Variants in SLC16A2 observed in about 807,000 individuals in gnomAD.
SLC16A2 encodes solute carrier family 16 member 2.
SLC16A2 carries 3 observed loss-of-function variants against 27.2 expected under a neutral mutation model. That is an observed-to-expected ratio of 0.11 (90% CI 0.05 to 0.28). The LOEUF (loss-of-function observed/expected upper bound fraction) is 0.28, where lower values mean the gene tolerates loss of function less well. SLC16A2 is among the 10% of genes least tolerant of loss of function. SLC16A2 has a pLI of 1.00. For synonymous variants in SLC16A2, 202 were observed against 187.8 expected (o/e 1.08, Z -0.62); for missense variants, 295 against 458.5 (o/e 0.64, Z 3.26).
chrX:74,447,432 G>A (rs767211207), intron 1 of SLC16A2, among the ~76,000 whole-genome samples: 17 of 111,344 alleles, frequency 1.5e-4, no homozygotes, highest in African/African-American at 5.2e-4. Flanking sequence ...CAACACTTTG[G>A]GAGGCTGAGG....
Position 74,521,071 on chromosome X carries a change from G to A in SLC16A2, c.512G>A (p.Arg171Gln), listed in dbSNP as rs1602140961. Residue 171 changes from arginine (R) to glutamine (Q), a missense_variant, in exon 2 of 6, where the codon CGA becomes CAA. Physicochemically the swap from Arg to Gln is conservative, Grantham distance 43. Around this residue, in one of 3 missense-constraint regions of SLC16A2, gnomAD observed 59 missense variants for 153.6 expected, o/e 0.38. Transcript: ENST00000587091. ...VSIFTDRLGC[R>Q]ITATAGAAVA... ...ATATTCACTGACCGTTTGGGCTGCC[G>A]AATCACAGCAACCGCGGGGGCTGCC... is the stretch of plus-strand genomic sequence containing the variant. 1.7e-6 allele frequency: 2 copies of A among 1,211,914 alleles called. No homozygotes were observed. The highest frequency in any genetic ancestry group is 2.2e-6 in the Non-Finnish European group (2 of 895,472).
Position 74,460,444 on chromosome X carries a change from G to A in SLC16A2, c.430+38377G>A, listed in dbSNP as rs573481446. Among the ~76,000 whole-genome samples, 11 of 111,517 alleles carry A rather than the reference G, an allele frequency of 9.9e-5. No individual in the cohort carries two copies. In the South Asian group the frequency reaches 3.9e-3, roughly 39 times the overall value. On this transcript the variant is annotated intron_variant, in intron 1 of 5. Transcript: ENST00000587091. ...GGTCAGACTTACATTGCAGTCTCAC[G>A]TCTTCCCTAGCTTTCTCAGACTTCC...
chrX:74,472,123 T>A (rs762208742), intron 1 of SLC16A2, among the ~76,000 whole-genome samples: 2 of 112,375 alleles, frequency 1.8e-5, no homozygotes, highest in Non-Finnish European at 3.8e-5. Context: ...TTGTGAATGA[T>A]GCTTCTCTGA....
intron 1 of SLC16A2, among the ~76,000 whole-genome samples, chrX:74,489,074 G>A (rs781317444): frequency 6.3e-5 from 7 of 111,349 alleles, no homozygotes; most frequent in Admixed American, 2.9e-4. Flanking sequence ...TGATTTAATT[G>A]TTTACCTAGA....
intron 4 of SLC16A2, among the ~76,000 whole-genome samples, chrX:74,527,436 A>G (rs1486490508): frequency 8.9e-6 from 1 of 112,276 alleles, no homozygotes; most frequent in African/African-American, 3.2e-5. Flanking sequence ...CCTGCATGTA[A>G]TGCAGGAGTA....
intron 1 of SLC16A2, among the ~76,000 whole-genome samples, chrX:74,510,417 T>C (rs2147866166): frequency 8.9e-6 from 1 of 112,120 alleles, no homozygotes; most frequent in East Asian, 2.8e-4. Context: ...ACCTGTAATC[T>C]GCCTTAGCTA....
intron 1 of SLC16A2, among the ~76,000 whole-genome samples, chrX:74,441,352 C>A (rs769347423): frequency 2.6e-4 from 28 of 105,870 alleles, no homozygotes; most frequent in African/African-American, 9.0e-4. Context: ...AGCCACCGCA[C>A]CAGGCAGAGA....
chrX:74,474,743 C>T (rs1188512917), intron 1 of SLC16A2, among the ~76,000 whole-genome samples: 2 of 110,277 alleles, frequency 1.8e-5, no homozygotes, highest in Non-Finnish European at 3.8e-5. Flanking sequence ...GGTTTTTTGT[C>T]CTTGCGATAG....
rs754089549 is a variant in SLC16A2, at chrX:74,451,102, A to T, written c.430+29035A>T. On this transcript the variant is annotated intron_variant, in intron 1 of 5. Coordinates refer to ENST00000587091, the MANE Select transcript of SLC16A2 (RefSeq NM_006517.5). ...ACTTTTTAAAAAAACTTAAAATGAC[A>T]TTTAAGAGACCTCCAATATTGGAAA... Among the ~76,000 whole-genome samples the T allele has an allele frequency of 7.1e-5, 8 of 111,920 alleles. No individual in the cohort carries two copies. The East Asian group carries it at 2.2e-3, about 31-fold the overall frequency.
At chrX:74,489,970 T>TACACACACACACACACACAC (rs55975734) in intron 1 of SLC16A2, among the ~76,000 whole-genome samples, 1 of 87,146 alleles carries the variant, frequency 1.1e-5, no homozygotes, top group South Asian at 6.8e-4. Flanking sequence ...GTCACACACA[T>TACACACACACACACACACAC]ACACACACAC....
chrX:74,527,693 C>A (rs758007859), intron 4 of SLC16A2, among the ~76,000 whole-genome samples: 1 of 112,323 alleles, frequency 8.9e-6, no homozygotes, highest in South Asian at 3.7e-4. Context: ...TTCTCACGTC[C>A]AAGAGAGATT....
intron 1 of SLC16A2, among the ~76,000 whole-genome samples, chrX:74,504,471 G>C (rs886761428): frequency 8.9e-6 from 1 of 111,943 alleles, no homozygotes; most frequent in African/African-American, 3.2e-5. Context: ...CTTTGCATTT[G>C]CCCTACTGAG....
intron 1 of SLC16A2, among the ~76,000 whole-genome samples, chrX:74,438,157 T>A (rs1928659729): frequency 8.9e-6 from 1 of 112,396 alleles, no homozygotes; most frequent in African/African-American, 3.2e-5. Context: ...AGGCACAGGA[T>A]CTTATAACAG....
intron 1 of SLC16A2, among the ~76,000 whole-genome samples, chrX:74,427,939 TA>T (rs994069202): frequency 9.0e-6 from 1 of 111,145 alleles, no homozygotes; most frequent in Non-Finnish European, 1.9e-5. Context: ...GAGGCTTCTG[TA>T]AAGATTATGC....
chrX:74,473,296 T>C (rs1929395218), intron 1 of SLC16A2: 2 of 580,924 alleles, frequency 3.4e-6, no homozygotes, highest in Non-Finnish European at 6.0e-6. Flanking sequence ...AAAGCCACCA[T>C]GACAACTGAA....
intron 1 of SLC16A2, among the ~76,000 whole-genome samples, chrX:74,509,438 A>T (rs1320854018): frequency 8.9e-6 from 1 of 111,978 alleles, no homozygotes; most frequent in Non-Finnish European, 1.9e-5. Context: ...CTTTTTCTGC[A>T]TTGGTTGAGA....
chrX:74,473,587 T>A, intron 1 of SLC16A2: 1 of 829,330 alleles, frequency 1.2e-6, no homozygotes, highest in Non-Finnish European at 1.8e-6. Flanking sequence ...AATCTCTTAG[T>A]TGATGTTCTT....
chrX:74,486,018 G>A (rs1929712751), intron 1 of SLC16A2, among the ~76,000 whole-genome samples: 2 of 111,934 alleles, frequency 1.8e-5, no homozygotes, highest in South Asian at 3.8e-4. Flanking sequence ...GGGACCCAAA[G>A]GGGGTTGCCC....
chrX:74,498,239 G>A (rs1368136342), intron 1 of SLC16A2, among the ~76,000 whole-genome samples: 1 of 111,770 alleles, frequency 8.9e-6, no homozygotes, highest in Non-Finnish European at 1.9e-5. Flanking sequence ...TTGTTCTGGA[G>A]GTCACAAGAT....
Sources: gnomAD v4.1 joint callset for allele counts (sites outside exome capture counted in the v4.1 genomes callset) on GRCh38, gnomAD v4.1.1 for gene constraint, gnomAD v4.1.1 regional missense constraint, MANE v1.5 for transcripts, NCBI Gene and HGNC (gene_info 2026-07-23, HGNC 2026-07-21) for gene names.